The following DERA variants were observed in gnomAD, a reference collection of about 807,000 sequenced individuals.
The protein encoded by DERA is deoxyribose-phosphate aldolase.
DERA carries 15 observed loss-of-function variants against 41.1 expected under a neutral mutation model. The observed-to-expected ratio is 0.37, with a 90% CI of 0.24 to 0.56. DERA has a LOEUF of 0.56. Among genes scored for constraint, DERA ranks in the 20% least tolerant of loss-of-function variants. DERA has a pLI of 0.81. For synonymous variants in DERA, 139 were observed against 137.4 expected (o/e 1.01, Z -0.08); for missense variants, 396 against 403.4 (o/e 0.98, Z 0.16).
intron 6 of DERA, among the ~76,000 whole-genome samples, chr12:16,022,729 G>A (rs369081897): frequency 1.4e-4 from 21 of 152,308 alleles, no homozygotes; most frequent in Middle Eastern, 3.4e-3. Context: ...AATCCTGAGC[G>A]TCTCAGCTGA....
rs1948732146 is a variant in DERA at position 15,981,402 on chromosome 12, T to TACA, written c.509-904_509-902dup. On this transcript the variant is annotated intron_variant, in intron 5 of 8. Transcript: ENST00000428559. This position sits in a 1 kb window ranked among gnomAD's most constrained non-coding sequence, Gnocchi z 6.1. ...CTACTTCCTATGAAAGATACTCAAA[T>TACA]ACAAAGGAAAGAAAAAGCCTTGGTC... 6.6e-6 allele frequency among the ~76,000 whole-genome samples: 1 copy of TACA among 152,054 alleles called. No homozygotes were observed. The highest frequency in any genetic ancestry group is 1.9e-4 in the East Asian group (1 of 5,178).
At position 15,955,399 on chromosome 12, in the gene DERA, G is replaced by A. The variant is rs531944048; in HGVS notation, c.32-1537G>A. ...CTAGAGTGTCTGGTCTGATTTTCTC[G>A]GGCTCTGCTAGAACAAAAACAGCCC... On this transcript the variant is annotated intron_variant, in intron 1 of 8. Coordinates refer to ENST00000428559, the MANE Select transcript of DERA (RefSeq NM_015954.4). Among the ~76,000 whole-genome samples the A allele has an allele frequency of 9.9e-5, 15 of 152,088 alleles. No homozygotes were observed. In the South Asian group the frequency reaches 1.9e-3, roughly 19 times the overall value.
Position 16,020,316 on chromosome 12 carries a change from C to A in DERA, c.638-12226C>A, listed in dbSNP as rs1265729016. Among the ~76,000 whole-genome samples the A allele has an allele frequency of 6.6e-6, 1 of 152,090 alleles. No homozygotes were observed. The highest frequency in any genetic ancestry group is 1.5e-5 in the Non-Finnish European group (1 of 68,006). ...AGGGGAGGTGCTACACACTTTTAAA[C>A]CACCAGATCTCATATTAACTCACTA... is the stretch of plus-strand genomic sequence containing the variant. On this transcript the variant is annotated intron_variant, in intron 6 of 8. Coordinates refer to ENST00000428559, the MANE Select transcript of DERA (RefSeq NM_015954.4). This position sits in a 1 kb window ranked among gnomAD's most constrained non-coding sequence, Gnocchi z 5.5.
chr12:15,949,434 A>T (rs1346447708), intron 1 of DERA, among the ~76,000 whole-genome samples: 2 of 147,972 alleles, frequency 1.4e-5, no homozygotes, highest in Admixed American at 7.0e-5. Context: ...GCCACCTTGT[A>T]GTTTGATCTC....
At position 15,983,771 on chromosome 12, in the gene DERA, T is replaced by G. The variant is rs562641237; in HGVS notation, c.637+1335T>G. Among the ~76,000 whole-genome samples the G allele has an allele frequency of 3.1e-4, 47 of 152,336 alleles. No homozygotes were observed. The highest frequency in any genetic ancestry group is 1.1e-3 in the African/African-American group (45 of 41,580). On this transcript the variant is annotated intron_variant, in intron 6 of 8. Transcript: ENST00000428559. This position sits in a 1 kb window ranked among gnomAD's most constrained non-coding sequence, Gnocchi z 6.2. ...CCTAGTAGATCATTCCTTGGAACTC[T>G]ACTGAAAATCAGCCTACTAGTCAGC... is the stretch of plus-strand genomic sequence containing the variant.
chr12:15,974,892 C>G (rs1416074168), intron 5 of DERA, among the ~76,000 whole-genome samples: 2 of 152,160 alleles, frequency 1.3e-5, no homozygotes, highest in Non-Finnish European at 2.9e-5. Flanking sequence ...CTCCCTTCCT[C>G]TGTCCTTCCC....
chr12:15,986,693 C>T (rs757597501), intron 6 of DERA, among the ~76,000 whole-genome samples: 5 of 150,022 alleles, frequency 3.3e-5, no homozygotes, highest in Non-Finnish European at 7.4e-5. Context: ...GAATTTTTAA[C>T]AGTCACTTGT....
intron 1 of DERA, among the ~76,000 whole-genome samples, chr12:15,926,918 A>G (rs933412890): frequency 1.3e-5 from 2 of 152,120 alleles, no homozygotes; most frequent in African/African-American, 4.8e-5. Flanking sequence ...GTCTAGAAGG[A>G]TACCAGTTCT....
intron 1 of DERA, among the ~76,000 whole-genome samples, chr12:15,925,282 C>T (rs1317150280): frequency 6.6e-6 from 1 of 152,162 alleles, no homozygotes; most frequent in Non-Finnish European, 1.5e-5. Flanking sequence ...AGCTTAAATT[C>T]CTTCACTTTC....
chr12:16,002,150 A>G (rs1948879972), intron 6 of DERA, among the ~76,000 whole-genome samples: 1 of 115,002 alleles, frequency 8.7e-6, no homozygotes, highest in Non-Finnish European at 1.8e-5. Flanking sequence ...CTTCCCCACA[A>G]CAGCCCTGGT....
chr12:15,936,949 TCCTGTCCTGC>T lies in DERA; in HGVS notation c.32-19982_32-19973del, dbSNP rs1245920777. Among the ~76,000 whole-genome samples the T allele has an allele frequency of 1.0e-3, 151 of 146,706 alleles. 2 individuals are homozygous for T. In the East Asian group the frequency reaches 0.026, roughly 25 times the overall value. ...TCCTGTCCTGTCTTGTCCTGTCCCG[TCCTGTCCTGC>T]CCTGCCCTGCCCTGTCTTGTCTTTC... On this transcript the variant is annotated intron_variant, in intron 1 of 8. Transcript: ENST00000428559. The surrounding 1 kb of genome is among the most constrained non-coding windows in gnomAD (Gnocchi z 4.6).
rs1948810485 is a variant in DERA, at chr12:15,992,738, T to G, written c.637+10302T>G. ...CAGGTCAATCTACTGCTAAGGGATTTCAGCCCAGCAAATGCACACATTAAG... is the reference window on the plus strand; with the variant it reads ...CAGGTCAATCTACTGCTAAGGGATTGCAGCCCAGCAAATGCACACATTAAG... On this transcript the variant is annotated intron_variant, in intron 6 of 8. Transcript: ENST00000428559. The surrounding 1 kb of genome is among the most constrained non-coding windows in gnomAD (Gnocchi z 4.3). Among the ~76,000 whole-genome samples the G allele has an allele frequency of 1.3e-5, 2 of 152,192 alleles. No homozygotes were observed. The highest frequency in any genetic ancestry group is 4.1e-4 in the South Asian group (2 of 4,826).
At chr12:15,951,769 G>A (rs557291266) in intron 1 of DERA, among the ~76,000 whole-genome samples, 4 of 152,184 alleles carry the variant, frequency 2.6e-5, no homozygotes, top group South Asian at 2.1e-4. Flanking sequence ...ACAGATACAT[G>A]TTTTGTGTTC....
At position 15,982,165 on chromosome 12, in the gene DERA, A is replaced by G. The variant is rs1208065233; in HGVS notation, c.509-143A>G. On this transcript the variant is annotated intron_variant, in intron 5 of 8. Transcript: ENST00000428559. The surrounding 1 kb of genome is among the most constrained non-coding windows in gnomAD (Gnocchi z 4.0). ...GAACTGCAACAGAATGCTCCAGGCA[A>G]TGTTAAATTGGGGTGATTTTTAGAA... 18 of 762,702 alleles carry G rather than the reference A, an allele frequency of 2.4e-5. No individual in the cohort carries two copies. The highest frequency in any genetic ancestry group is 3.7e-5 in the Non-Finnish European group (18 of 487,692). 47.2% of individuals were successfully genotyped at this position (762,702 alleles called of 1,614,324 possible).
Position 15,984,932 on chromosome 12 carries a change from A to T in DERA, c.637+2496A>T, listed in dbSNP as rs1948754534. The stretch of plus-strand genomic sequence containing the variant: ...CCCAAAAGTAATTTACAAATTTCTG[A>T]CTAAATTCTGTATTCTACTTCTGTG... On this transcript the variant is annotated intron_variant, in intron 6 of 8. Coordinates refer to ENST00000428559, the MANE Select transcript of DERA (RefSeq NM_015954.4). This position sits in a 1 kb window ranked among gnomAD's most constrained non-coding sequence, Gnocchi z 4.5. 6.6e-6 allele frequency among the ~76,000 whole-genome samples: 1 copy of T among 152,222 alleles called. No individual in the cohort carries two copies.
chr12:15,991,705 G>A (rs994205487), intron 6 of DERA, among the ~76,000 whole-genome samples: 2 of 152,094 alleles, frequency 1.3e-5, no homozygotes, highest in African/African-American at 4.8e-5. Context: ...ACAGTGTTTC[G>A]ATGATCTATG....
chr12:16,028,957 T>G (rs935772446), intron 6 of DERA, among the ~76,000 whole-genome samples: 2 of 152,184 alleles, frequency 1.3e-5, no homozygotes, highest in African/African-American at 4.8e-5. Context: ...AAAAAAAATC[T>G]ATAAAGTGTG....
chr12:15,984,163 C>T lies in DERA; in HGVS notation c.637+1727C>T, dbSNP rs776420712. Reference sequence around the variant, plus strand: ...TTGTGCACATGGAGCTGAGATACTCCTCAGGGTCACATCGGAGCCAATCTT... The same window carrying T: ...TTGTGCACATGGAGCTGAGATACTCTTCAGGGTCACATCGGAGCCAATCTT... On this transcript the variant is annotated intron_variant, in intron 6 of 8. Transcript: ENST00000428559. The surrounding 1 kb of genome is among the most constrained non-coding windows in gnomAD (Gnocchi z 4.5). Among the ~76,000 whole-genome samples, 2 of 152,190 alleles carry T rather than the reference C, an allele frequency of 1.3e-5. No individual in the cohort carries two copies. The highest frequency in any genetic ancestry group is 2.9e-5 in the Non-Finnish European group (2 of 68,040).
Position 15,959,915 on chromosome 12 carries a change from G to A in DERA, c.364G>A (p.Val122Met). Residue 122 changes from valine to methionine, a missense_variant, in exon 4 of 9, where the codon GTG (valine) becomes ATG (methionine). Transcript: ENST00000428559. This position sits in a 1 kb window ranked among gnomAD's most constrained non-coding sequence, Gnocchi z 4.5. ...ALKAAGCNIP[V>M]ASVAAGFPAG... ...CAAGGCTGCAGGCTGTAATATCCCT[G>A]TGGCATCAGGTAAAATGTGTTGTGG... 1 of 1,545,048 alleles carries A rather than the reference G, an allele frequency of 6.5e-7. No individual in the cohort carries two copies. Among genetic ancestry groups the A allele is most frequent in the Non-Finnish European group, 8.8e-7 (1 of 1,141,752 alleles).
Sources: gnomAD v4.1 joint callset for allele counts (sites outside exome capture counted in the v4.1 genomes callset) on GRCh38, gnomAD v4.1.1 for gene constraint, Gnocchi (gnomAD v3.1) non-coding constraint, MANE v1.5 for transcripts, NCBI Gene and HGNC (gene_info 2026-07-23, HGNC 2026-07-21) for gene names.